Variants in MGAT3 observed in about 807,000 individuals in gnomAD.
MGAT3 encodes beta-1,4-mannosyl-glycoprotein 4-beta-N-acetylglucosaminyltransferase.
Under a neutral mutation model 29.8 loss-of-function variants are expected in MGAT3, and 9 were observed. That is an observed-to-expected ratio of 0.30 (90% CI 0.18 to 0.53). The LOEUF (loss-of-function observed/expected upper bound fraction) is 0.53. MGAT3 is among the 20% of genes least tolerant of loss of function. MGAT3 has a pLI of 0.96. For synonymous variants in MGAT3, 397 were observed against 348.9 expected (o/e 1.14, Z -1.54); for missense variants, 557 against 769.5 (o/e 0.72, Z 3.27).
At chr22:39,480,725 C>G (rs1043892957) in intron 1 of MGAT3, among the ~76,000 whole-genome samples, 2 of 152,334 alleles carry the variant, frequency 1.3e-5, no homozygotes, top group Non-Finnish European at 1.5e-5. Context: ...GTGGTTAGGG[C>G]TAGGCCCTGC....
rs545477797 is a variant in MGAT3 at position 39,471,351 on chromosome 22, G to A, written c.-2+13794G>A. Among the ~76,000 whole-genome samples the A allele has an allele frequency of 3.3e-5, 5 of 152,282 alleles. No homozygotes were observed. The South Asian group carries it at 8.3e-4, about 25-fold the overall frequency. On this transcript the variant is annotated intron_variant, in intron 1 of 1. Coordinates refer to ENST00000341184, the MANE Select transcript of MGAT3 (RefSeq NM_002409.5). ...TGGCCTCAGTGGGTCCCGTAAGCAC[G>A]GAAGCTCTTAAGCCTTTGCGGAGGG...
intron 1 of MGAT3, among the ~76,000 whole-genome samples, chr22:39,472,308 T>C (rs1280815837): frequency 6.6e-6 from 1 of 152,198 alleles, no homozygotes; most frequent in Non-Finnish European, 1.5e-5. Context: ...ACCCCCGCCC[T>C]GTCCCTGCCC....
chr22:39,482,433 G>A (rs1929153335), intron 1 of MGAT3, among the ~76,000 whole-genome samples: 1 of 152,200 alleles, frequency 6.6e-6, no homozygotes, highest in African/African-American at 2.4e-5. Context: ...ACTGGCTTGA[G>A]AACCAGAACT....
chr22:39,466,083 G>A (rs1928637508), intron 1 of MGAT3, among the ~76,000 whole-genome samples: 1 of 152,212 alleles, frequency 6.6e-6, no homozygotes, highest in Non-Finnish European at 1.5e-5. Context: ...AAGCCAGCCA[G>A]GCCCAGGGGT....
rs555253411 is a variant in MGAT3 at position 39,478,037 on chromosome 22, G to A, written c.-1-9310G>A. On this transcript the variant is annotated intron_variant, in intron 1 of 1. Transcript: ENST00000341184. Reference sequence around the variant, plus strand: ...CCCCAGGAGCTGCTGTACATGGCAGGGATTGCTGCAAAGATGTGCCTCCTG... The same window carrying A: ...CCCCAGGAGCTGCTGTACATGGCAGAGATTGCTGCAAAGATGTGCCTCCTG... 3.3e-5 allele frequency among the ~76,000 whole-genome samples: 5 copies of A among 152,336 alleles called. No homozygotes were observed. The East Asian group carries it at 9.6e-4, about 29-fold the overall frequency.
chr22:39,475,275 C>G (rs992180055), intron 1 of MGAT3, among the ~76,000 whole-genome samples: 2 of 151,942 alleles, frequency 1.3e-5, no homozygotes, highest in East Asian at 1.9e-4. Flanking sequence ...TTTCTCTCCC[C>G]CTTCACTCCA....
chr22:39,488,178 C>T lies in MGAT3; in HGVS notation c.831C>T (p.Phe277=), dbSNP rs1929341553. 6.2e-7 allele frequency: 1 copy of T among 1,612,602 alleles called. No homozygotes were observed. The change falls in exon 2 of 2, where the codon TTC becomes TTT. Residue 277 remains phenylalanine, a synonymous_variant. Transcript: ENST00000341184. ...HKVLYVFLDH[F]PPGGRQDGWI... Reference sequence around the variant, plus strand: ...TGCTCTATGTCTTCCTGGACCACTTCCCGCCCGGCGGCCGGCAGGACGGCT... The same window carrying T: ...TGCTCTATGTCTTCCTGGACCACTTTCCGCCCGGCGGCCGGCAGGACGGCT...
chr22:39,457,767 CT>C lies in MGAT3; in HGVS notation c.-2+211del, dbSNP rs1221205528. On this transcript the variant is annotated intron_variant, in intron 1 of 1. Coordinates refer to ENST00000341184, the MANE Select transcript of MGAT3 (RefSeq NM_002409.5). This position sits in a 1 kb window ranked among gnomAD's most constrained non-coding sequence, Gnocchi z 6.8. Reference sequence around the variant, plus strand: ...GGGGAAGCCGCTCGGCGCGGGCCCCCTCCCCCTACCCGCCGCTCCTCCGAGC... The same window carrying C: ...GGGGAAGCCGCTCGGCGCGGGCCCCCCCCCCTACCCGCCGCTCCTCCGAGC... 2.0e-5 allele frequency among the ~76,000 whole-genome samples: 3 copies of C among 150,878 alleles called. No homozygotes were observed. The East Asian group carries it at 5.9e-4, about 29-fold the overall frequency.
At chr22:39,474,534 C>T (rs1231926497) in intron 1 of MGAT3, among the ~76,000 whole-genome samples, 1 of 152,202 alleles carries the variant, frequency 6.6e-6, no homozygotes, top group East Asian at 1.9e-4. Context: ...CACATCACCC[C>T]CAACCCTCTC....
chr22:39,475,521 T>C (rs1408706752), intron 1 of MGAT3, among the ~76,000 whole-genome samples: 1 of 152,178 alleles, frequency 6.6e-6, no homozygotes, highest in Non-Finnish European at 1.5e-5. Flanking sequence ...CCCTCCCTCC[T>C]GTAGTTAACC....
Position 39,484,365 on chromosome 22 carries a change from T to G in MGAT3, c.-1-2982T>G, listed in dbSNP as rs147762284. On this transcript the variant is annotated intron_variant, in intron 1 of 1. Transcript: ENST00000341184. ...CAGAATGATTAGGAGCCTTGTTTTT[T>G]TTTGTTTGTTTGTTTGTTGTTTTTT... 2.2e-3 allele frequency among the ~76,000 whole-genome samples: 338 copies of G among 152,188 alleles called. 2 individuals are homozygous for G. In the East Asian group the frequency reaches 0.031, roughly 14 times the overall value.
intron 1 of MGAT3, among the ~76,000 whole-genome samples, chr22:39,480,555 C>T (rs949750223): frequency 6.6e-5 from 10 of 152,236 alleles, no homozygotes; most frequent in African/African-American, 2.2e-4. Flanking sequence ...CCACCCCGCC[C>T]ATCCCTCAGG....
intron 1 of MGAT3, among the ~76,000 whole-genome samples, chr22:39,467,531 C>T (rs1032249061): frequency 2.4e-4 from 33 of 139,866 alleles, no homozygotes; most frequent in African/African-American, 7.6e-4. Context: ...GGGCAGGAGC[C>T]CTGCTGCTGG....
chr22:39,461,904 C>CTT (rs112513722), intron 1 of MGAT3, among the ~76,000 whole-genome samples: 2 of 147,062 alleles, frequency 1.4e-5, no homozygotes, highest in African/African-American at 2.5e-5. Flanking sequence ...CTGACCCACT[C>CTT]TTTTTTTTTT....
At chr22:39,482,333 C>G (rs1486936197) in intron 1 of MGAT3, among the ~76,000 whole-genome samples, 1 of 152,106 alleles carries the variant, frequency 6.6e-6, no homozygotes, top group East Asian at 1.9e-4. Flanking sequence ...CCAACTGGGG[C>G]CCAGTTTGGT....
rs1191457428 is a variant in MGAT3, at chr22:39,457,382, C to T, written c.-177C>T. 7.1e-6 allele frequency: 1 copy of T among 141,822 alleles called. No homozygotes were observed. Among genetic ancestry groups the T allele is most frequent in the East Asian group, 2.2e-4 (1 of 4,546 alleles). 8.8% of individuals were successfully genotyped at this position (141,822 alleles called of 1,614,324 possible). A position where few individuals can be genotyped will look rare whatever the true frequency, so the allele number is the denominator to read the frequency against. On this transcript the variant is annotated 5_prime_UTR_variant, in exon 1 of 2. Coordinates refer to ENST00000341184, the MANE Select transcript of MGAT3 (RefSeq NM_002409.5). This position sits in a 1 kb window ranked among gnomAD's most constrained non-coding sequence, Gnocchi z 6.8. ...GGGGGTGGGGGGAGGGGATCGGGGC[C>T]GGGCCGGGGCCGCGCTGCCTGCGAT...
intron 1 of MGAT3, among the ~76,000 whole-genome samples, chr22:39,479,037 A>G (rs748860880): frequency 7.9e-5 from 12 of 152,116 alleles, no homozygotes; most frequent in Non-Finnish European, 1.2e-4. Flanking sequence ...CCCATGCTCT[A>G]CCACCTATCC....
intron 1 of MGAT3, among the ~76,000 whole-genome samples, chr22:39,478,587 C>T (rs1929035391): frequency 6.6e-6 from 1 of 152,196 alleles, no homozygotes; most frequent in Admixed American, 6.5e-5. Flanking sequence ...GGACTCTGGC[C>T]AGCACGGGCA....
intron 1 of MGAT3, among the ~76,000 whole-genome samples, chr22:39,466,899 C>G (rs1425806674): frequency 2.0e-5 from 3 of 152,258 alleles, no homozygotes; most frequent in Non-Finnish European, 4.4e-5. Flanking sequence ...CAGCTTCTGA[C>G]TCTGTACCCA....
Sources: gnomAD v4.1 joint callset for allele counts (sites outside exome capture counted in the v4.1 genomes callset) on GRCh38, gnomAD v4.1.1 for gene constraint, Gnocchi (gnomAD v3.1) non-coding constraint, MANE v1.5 for transcripts, NCBI Gene and HGNC (gene_info 2026-07-23, HGNC 2026-07-21) for gene names.